Variants in WDFY2 observed in about 807,000 individuals in gnomAD.
WDFY2 encodes the protein WD repeat and FYVE domain containing 2, also known as WD repeat and FYVE domain-containing protein 2.
Under a neutral mutation model 56.4 loss-of-function variants are expected in WDFY2, and 36 were observed. The observed-to-expected ratio is 0.64, with a 90% CI of 0.49 to 0.84. The LOEUF is 0.84. WDFY2 is among the 40% of genes least tolerant of loss of function. The pLI is 0.00. For synonymous variants in WDFY2, 176 were observed against 183.7 expected (o/e 0.96, Z 0.34); for missense variants, 444 against 512.2 (o/e 0.87, Z 1.29).
chr13:51,590,455 A>T (rs1474242847), intron 1 of WDFY2: 1 of 152,222 alleles, frequency 6.6e-6, no homozygotes, highest in Non-Finnish European at 1.5e-5. Context: ...TTGAGAAAGC[A>T]TGGAGAATCA....
At chr13:51,597,818 A>C (rs1954180085) in intron 1 of WDFY2, among the ~76,000 whole-genome samples, 1 of 152,258 alleles carries the variant, frequency 6.6e-6, no homozygotes, top group South Asian at 2.1e-4. Context: ...AATGAAAAAC[A>C]GCAGGTAGAA....
rs546411930 is a variant in WDFY2, at chr13:51,635,857, T to C, written c.138-24739T>C. On this transcript the variant is annotated intron_variant, in intron 1 of 11. Transcript: ENST00000298125. ...CCTTCTGCTACTATTATTTAATTTT[T>C]TCAACTAATGGAAGGAAAACTGGCA... Among the ~76,000 whole-genome samples, 9 of 152,362 alleles carry C rather than the reference T, an allele frequency of 5.9e-5. No homozygotes were observed. In the South Asian group the frequency reaches 1.9e-3, roughly 32 times the overall value.
intron 3 of WDFY2, among the ~76,000 whole-genome samples, chr13:51,693,699 C>T (rs1355876431): frequency 6.6e-6 from 1 of 150,584 alleles, no homozygotes; most frequent in East Asian, 1.9e-4. Context: ...TCTATTAGGT[C>T]TGCTTGGTGC....
At chr13:51,702,519 A>T (rs534761720) in intron 3 of WDFY2, among the ~76,000 whole-genome samples, 12 of 152,202 alleles carry the variant, frequency 7.9e-5, no homozygotes, top group Non-Finnish European at 1.6e-4. Flanking sequence ...TGGAAAAATG[A>T]ATAAGCAAAG....
chr13:51,675,373 C>A, intron 3 of WDFY2, 130 bp downstream of exon 3: 2 of 760,238 alleles, frequency 2.6e-6, no homozygotes, highest in Non-Finnish European at 2.1e-6. Flanking sequence ...TGCAGCGTAG[C>A]AAATTATGGC....
Position 51,766,059 on chromosome 13 carries a change from A to G in WDFY2, c.*6290A>G, listed in dbSNP as rs963707886. 6.6e-6 allele frequency: 1 copy of G among 152,068 alleles called. No homozygotes were observed. Among genetic ancestry groups the G allele is most frequent in the Admixed American group, 6.6e-5 (1 of 15,266 alleles). 9.4% of individuals were successfully genotyped at this position (152,068 alleles called of 1,614,324 possible). On this transcript the variant is annotated 3_prime_UTR_variant, in exon 12 of 12. Coordinates refer to ENST00000298125, the MANE Select transcript of WDFY2 (RefSeq NM_052950.4). ...GATTTGAAAAATGTTTCACATATAC[A>G]CTTTTTATCATTTTAGTGGATGGCA...
chr13:51,670,598 G>T (rs184814758), intron 2 of WDFY2, among the ~76,000 whole-genome samples: 2 of 152,180 alleles, frequency 1.3e-5, no homozygotes, highest in Non-Finnish European at 2.9e-5. Flanking sequence ...CTTTGGATGT[G>T]CCTGGGAGCT....
chr13:51,675,720 A>G (rs1055870402), intron 3 of WDFY2, among the ~76,000 whole-genome samples: 3 of 152,114 alleles, frequency 2.0e-5, no homozygotes, highest in Non-Finnish European at 4.4e-5. Flanking sequence ...TAGCATCTGA[A>G]TAGAATTCTG....
chr13:51,584,561 G>T lies in WDFY2; in HGVS notation c.-127G>T, dbSNP rs537248777. 7.5e-7 allele frequency: 1 copy of T among 1,328,716 alleles called. No homozygotes were observed. Among genetic ancestry groups the T allele is most frequent in the Non-Finnish European group, 9.9e-7 (1 of 1,005,896 alleles). The allele number at this position is 1,328,716 out of a possible 1,614,324, so 82.3% of individuals were successfully genotyped here. ...GAGAGGCGGCCAGGCTATGCTCGCC[G>T]GTTTCCGGCGTTCCGCTCCGGCCAG... On this transcript the variant is annotated 5_prime_UTR_variant, in exon 1 of 12. Coordinates refer to ENST00000298125, the MANE Select transcript of WDFY2 (RefSeq NM_052950.4).
rs139187289 is a variant in WDFY2 at position 51,632,963 on chromosome 13, C to T, written c.138-27633C>T. 7.7e-3 allele frequency among the ~76,000 whole-genome samples: 1,166 copies of T among 152,214 alleles called. 12 individuals are homozygous for T. The highest frequency in any genetic ancestry group is 0.01 in the Non-Finnish European group (681 of 68,008). ...CATTCCAGGCAAAAATAGGGAAAAA[C>T]GTTAGATTTACTGTGATTTTTTTTA... On this transcript the variant is annotated intron_variant, in intron 1 of 11. Coordinates refer to ENST00000298125, the MANE Select transcript of WDFY2 (RefSeq NM_052950.4).
intron 1 of WDFY2, among the ~76,000 whole-genome samples, chr13:51,597,178 A>G (rs1373553982): frequency 6.6e-6 from 1 of 152,206 alleles, no homozygotes; most frequent in Non-Finnish European, 1.5e-5. Context: ...TCAGAATTGA[A>G]CCCAGAAGAA....
intron 1 of WDFY2, among the ~76,000 whole-genome samples, chr13:51,651,532 T>G (rs915358934): frequency 6.6e-6 from 1 of 152,252 alleles, no homozygotes; most frequent in Admixed American, 6.5e-5. Context: ...AGATCTTTCC[T>G]GCTTTCTCTT....
At chr13:51,679,647 G>A (rs1955945813) in intron 3 of WDFY2, among the ~76,000 whole-genome samples, 1 of 152,112 alleles carries the variant, frequency 6.6e-6, no homozygotes, top group South Asian at 2.1e-4. Context: ...TAGTTCATGT[G>A]GGTTATGTAG....
chr13:51,585,546 G>A (rs1318298205), intron 1 of WDFY2, among the ~76,000 whole-genome samples: 1 of 152,184 alleles, frequency 6.6e-6, no homozygotes, highest in Non-Finnish European at 1.5e-5. Flanking sequence ...TAGTTGTTCT[G>A]CCTTCAAATA....
chr13:51,654,210 G>A (rs1482376390), intron 1 of WDFY2, among the ~76,000 whole-genome samples: 5 of 152,308 alleles, frequency 3.3e-5, no homozygotes, highest in East Asian at 1.9e-4. Context: ...AGCCAGGCGC[G>A]GGATACAATC....
rs56718342 is a variant in WDFY2, at chr13:51,723,167, A to C, written c.485+3819A>C. 4.0e-3 allele frequency among the ~76,000 whole-genome samples: 604 copies of C among 152,232 alleles called. 5 individuals carry two copies. Among genetic ancestry groups the C allele is most frequent in the African/African-American group, 0.014 (579 of 41,540 alleles). ...CTTCTATCCCTTTTTGCTTTCTCTC[A>C]ATTTTTGCTGGAGTATTTTAAAGCA... On this transcript the variant is annotated intron_variant, in intron 5 of 11. Coordinates refer to ENST00000298125, the MANE Select transcript of WDFY2 (RefSeq NM_052950.4).
chr13:51,760,715 C>G lies in WDFY2; in HGVS notation c.*946C>G, dbSNP rs571940459. 6.6e-6 allele frequency: 1 copy of G among 152,358 alleles called. No homozygotes were observed. Among genetic ancestry groups the G allele is most frequent in the Middle Eastern group, 3.4e-3 (1 of 294 alleles). The allele number at this position is 152,358 out of a possible 1,614,324, so 9.4% of individuals were successfully genotyped here. ...CGGTTTCAAAATGAAACTGTTCCAC[C>G]TCGGATCAGCAGGCATTAGCTTCTC... On this transcript the variant is annotated 3_prime_UTR_variant, in exon 12 of 12. Transcript: ENST00000298125.
chr13:51,670,844 G>GT (rs1278516777), intron 2 of WDFY2, among the ~76,000 whole-genome samples: 1 of 152,058 alleles, frequency 6.6e-6, no homozygotes, highest in African/African-American at 2.4e-5. Flanking sequence ...AGTGTACCCA[G>GT]TGTGTAGTCT....
intron 1 of WDFY2, among the ~76,000 whole-genome samples, chr13:51,625,087 G>A (rs986339497): frequency 3.9e-5 from 6 of 152,218 alleles, no homozygotes; most frequent in African/African-American, 1.4e-4. Flanking sequence ...CTAACTAGGT[G>A]CAGGGTGGGG....
Sources: gnomAD v4.1 joint callset for allele counts (sites outside exome capture counted in the v4.1 genomes callset) on GRCh38, gnomAD v4.1.1 for gene constraint, MANE v1.5 for transcripts, NCBI Gene and HGNC (gene_info 2026-07-23, HGNC 2026-07-21) for gene names.